The following SLCO3A1 variants were observed in gnomAD, a reference collection of about 807,000 sequenced individuals.
SLCO3A1 encodes the protein PGE1 transporter.
SLCO3A1 carries 27 observed loss-of-function variants against 63.1 expected under a neutral mutation model. The observed-to-expected ratio is 0.43, with a 90% CI of 0.32 to 0.59. The LOEUF is 0.59. SLCO3A1 is among the 20% of genes least tolerant of loss of function. The pLI is 0.09. For missense variants in SLCO3A1, 773 were observed against 945.8 expected (o/e 0.82, Z 2.40); for synonymous variants, 473 against 409.9 (o/e 1.15, Z -1.86).
At chr15:92,158,226 T>C (rs890982450) in intron 9 of SLCO3A1, among the ~76,000 whole-genome samples, 2 of 152,176 alleles carry the variant, frequency 1.3e-5, no homozygotes, top group African/African-American at 4.8e-5. Flanking sequence ...CCTGTGTGTT[T>C]CACCCTCTGC....
chr15:91,985,465 T>C (rs554039797), intron 2 of SLCO3A1, among the ~76,000 whole-genome samples: 1 of 152,292 alleles, frequency 6.6e-6, no homozygotes, highest in Admixed American at 6.5e-5. Context: ...ATGCCCACAT[T>C]TATGTGGGAT....
intron 9 of SLCO3A1, chr15:92,157,253 A>C (rs144748996): frequency 6.6e-6 from 1 of 152,184 alleles, no homozygotes; most frequent in Non-Finnish European, 1.5e-5. Flanking sequence ...TAGGGAGAAG[A>C]CAAGATAAAA....
intron 2 of SLCO3A1, among the ~76,000 whole-genome samples, chr15:91,933,586 T>G (rs573769839): frequency 8.5e-4 from 130 of 152,326 alleles, no homozygotes; most frequent in Non-Finnish European, 1.3e-3. Flanking sequence ...AAGCAGTACA[T>G]AGAGACATAG....
intron 4 of SLCO3A1, among the ~76,000 whole-genome samples, chr15:92,105,975 C>G (rs945790987): frequency 2.0e-5 from 3 of 152,218 alleles, no homozygotes; most frequent in Non-Finnish European, 4.4e-5. Flanking sequence ...GCTCAGCCCC[C>G]TGTTCTGTTC....
rs1896871446 is a variant in SLCO3A1, at chr15:91,854,781, G to A, written c.180+693G>A. On this transcript the variant is annotated intron_variant, in intron 1 of 9. Coordinates refer to ENST00000318445, the MANE Select transcript of SLCO3A1 (RefSeq NM_013272.4). The surrounding 1 kb of genome is among the most constrained non-coding windows in gnomAD (Gnocchi z 6.4). ...CACTCTTAGTGCTAAATTCCCCATC[G>A]TGGTCTGTCGCCTACAGAAGGTTGC... Among the ~76,000 whole-genome samples the A allele has an allele frequency of 6.6e-6, 1 of 152,154 alleles. No individual in the cohort carries two copies. Among genetic ancestry groups the A allele is most frequent in the South Asian group, 2.1e-4 (1 of 4,834 alleles).
chr15:92,070,220 A>T (rs1016235172), intron 2 of SLCO3A1, among the ~76,000 whole-genome samples: 6 of 152,220 alleles, frequency 3.9e-5, no homozygotes, highest in African/African-American at 1.4e-4. Flanking sequence ...CATTGTTTGG[A>T]GGGTAAAGGA....
chr15:92,130,233 G>A (rs117393234), intron 7 of SLCO3A1, among the ~76,000 whole-genome samples: 4 of 152,216 alleles, frequency 2.6e-5, no homozygotes, highest in Admixed American at 1.3e-4. Flanking sequence ...GCCTTACCAG[G>A]CCCATCTGTG....
Position 91,967,215 on chromosome 15 carries a change from A to C in SLCO3A1, c.646+50757A>C, listed in dbSNP as rs184811348. ...TAGGAAACTATGTCTAAATAAACCC[A>C]GTGAGTTGTTACATTTTTATTCATT... On this transcript the variant is annotated intron_variant, in intron 2 of 9. Coordinates refer to ENST00000318445, the MANE Select transcript of SLCO3A1 (RefSeq NM_013272.4). This position sits in a 1 kb window ranked among gnomAD's most constrained non-coding sequence, Gnocchi z 4.4. 6.6e-6 allele frequency among the ~76,000 whole-genome samples: 1 copy of C among 152,376 alleles called. No individual in the cohort carries two copies. Among genetic ancestry groups the C allele is most frequent in the African/African-American group, 2.4e-5 (1 of 41,586 alleles).
chr15:92,074,204 C>T (rs2047249532), intron 2 of SLCO3A1, among the ~76,000 whole-genome samples: 1 of 152,182 alleles, frequency 6.6e-6, no homozygotes, highest in South Asian at 2.1e-4. Flanking sequence ...TCTTTCAAGC[C>T]AGCCTGTCAT....
intron 2 of SLCO3A1, among the ~76,000 whole-genome samples, chr15:91,923,884 T>C (rs1209701865): frequency 6.6e-6 from 1 of 152,240 alleles, no homozygotes; most frequent in Non-Finnish European, 1.5e-5. Context: ...TTGCATATTA[T>C]TTTGTCAATC....
At chr15:91,905,433 C>G (rs1419255236) in intron 1 of SLCO3A1, among the ~76,000 whole-genome samples, 2 of 152,162 alleles carry the variant, frequency 1.3e-5, no homozygotes, top group Non-Finnish European at 2.9e-5. Context: ...TAAATCTTCT[C>G]TAGATTTCTT....
intron 1 of SLCO3A1, among the ~76,000 whole-genome samples, chr15:91,855,979 T>C (rs1371041843): frequency 2.0e-5 from 3 of 152,056 alleles, no homozygotes; most frequent in African/African-American, 7.3e-5. Context: ...TGCAGTGATC[T>C]AAGGATTTGA....
chr15:92,116,337 G>C (rs2047794897), intron 4 of SLCO3A1, among the ~76,000 whole-genome samples: 2 of 152,202 alleles, frequency 1.3e-5, no homozygotes, highest in Admixed American at 1.3e-4. Context: ...TTAAAGACTA[G>C]CAGTAGAAAA....
chr15:92,144,005 T>C (rs1164736343), intron 7 of SLCO3A1, among the ~76,000 whole-genome samples: 63 of 152,104 alleles, frequency 4.1e-4, no homozygotes, highest in Non-Finnish European at 1.3e-4. Flanking sequence ...GTCAGCAGGG[T>C]AGGCAGAAAA....
Position 91,941,352 on chromosome 15 carries a change from C to T in SLCO3A1, c.646+24894C>T. The T allele has an allele frequency of 2.7e-6, 1 of 363,726 alleles. No individual in the cohort carries two copies. Among genetic ancestry groups the T allele is most frequent in the African/African-American group, 2.1e-5 (1 of 46,928 alleles). The allele number at this position is 363,726 out of a possible 1,614,324, so 22.5% of individuals were successfully genotyped here. A position where few individuals can be genotyped will look rare whatever the true frequency, so the allele number is the denominator to read the frequency against. On this transcript the variant is annotated intron_variant, in intron 2 of 9. Transcript: ENST00000318445. The surrounding 1 kb of genome is among the most constrained non-coding windows in gnomAD (Gnocchi z 4.4). ...CATGAGTGACCAGCTAGGACTGAGC[C>T]CAAAGACCTGAGATTCCCTGGGAGG...
intron 2 of SLCO3A1, among the ~76,000 whole-genome samples, chr15:92,080,164 A>G (rs2047325681): frequency 6.6e-6 from 1 of 152,192 alleles, no homozygotes; most frequent in Admixed American, 6.5e-5. Flanking sequence ...GAGCATCCTG[A>G]AGTCGTCTAG....
chr15:92,171,956 A>C (rs2048524213), exon 11 of SLCO3A1: 2 of 898,014 alleles, frequency 2.2e-6, no homozygotes, highest in Non-Finnish European at 3.6e-6. Context: ...CTGTCCGAGA[A>C]CCCGAGGGTC....
chr15:91,879,255 C>T (rs1056859892), intron 1 of SLCO3A1, among the ~76,000 whole-genome samples: 2 of 151,658 alleles, frequency 1.3e-5, no homozygotes, highest in Non-Finnish European at 1.5e-5. Flanking sequence ...ACGTTTTGCA[C>T]ACCACTTACA....
intron 6 of SLCO3A1, among the ~76,000 whole-genome samples, chr15:92,126,510 C>G (rs985984586): frequency 6.6e-6 from 1 of 152,046 alleles, no homozygotes; most frequent in Non-Finnish European, 1.5e-5. Context: ...AGACTCACAT[C>G]GCGATTTTTG....
Sources: allele counts gnomAD v4.1 joint callset (sites outside exome capture counted in the v4.1 genomes callset), GRCh38; gene constraint gnomAD v4.1.1; non-coding constraint Gnocchi (gnomAD v3.1); transcripts MANE v1.5; gene names NCBI Gene and HGNC (gene_info 2026-07-23, HGNC 2026-07-21).